The following WWOX variants were observed in gnomAD, a reference collection of about 807,000 sequenced individuals.
WWOX encodes the protein WW domain-containing oxidoreductase.
A neutral mutation model predicts 46.2 loss-of-function variants in WWOX; 69 were observed. That is an observed-to-expected ratio of 1.49 (90% CI 1.23 to 1.82). The LOEUF is 1.82. Among genes scored for constraint, WWOX ranks in the 40% most tolerant of loss-of-function variants. The probability of loss-of-function intolerance (pLI) is 0.00; values close to 1 mark genes in which losing one functional copy is unlikely to be tolerated. For missense variants in WWOX, 919 were observed against 542.6 expected (o/e 1.69, Z -6.89); for synonymous variants, 359 against 202.6 (o/e 1.77, Z -6.56).
At chr16:78,666,860 TC>T (rs1426085157) in intron 8 of WWOX, among the ~76,000 whole-genome samples, 3 of 152,278 alleles carry the variant, frequency 2.0e-5, no homozygotes, top group African/African-American at 7.2e-5. Flanking sequence ...TACGAAGGCT[TC>T]CTAAGGAGGC....
chr16:78,934,073 T>C (rs980703473), intron 8 of WWOX, among the ~76,000 whole-genome samples: 5 of 152,010 alleles, frequency 3.3e-5, no homozygotes, highest in East Asian at 1.9e-4. Context: ...CGGTGGCTCA[T>C]GCTGGTAATC....
intron 8 of WWOX, among the ~76,000 whole-genome samples, chr16:78,936,660 T>A (rs984841595): frequency 6.6e-6 from 1 of 152,086 alleles, no homozygotes; most frequent in Non-Finnish European, 1.5e-5. Context: ...CTTTTTCCTC[T>A]TGGTTTGGAA....
rs182525805 is a variant in WWOX at position 78,379,701 on chromosome 16, A to C, written c.517-7159A>C. ...CTACTTGGGTTCACTATGGCGAGAA[A>C]TGGGATAGGAGAGCGAACTCACTGA... is the stretch of plus-strand genomic sequence containing the variant. On this transcript the variant is annotated intron_variant, in intron 5 of 8. Transcript: ENST00000566780. 9.2e-5 allele frequency among the ~76,000 whole-genome samples: 14 copies of C among 152,294 alleles called. No individual in the cohort carries two copies. In the East Asian group the frequency reaches 2.7e-3, roughly 29 times the overall value.
chr16:78,913,877 T>A (rs368563487), intron 8 of WWOX, among the ~76,000 whole-genome samples: 1 of 151,930 alleles, frequency 6.6e-6, no homozygotes, highest in African/African-American at 2.4e-5. Context: ...TCCAGGCTGG[T>A]CTCAAAGTCC....
At chr16:78,236,464 T>A (rs138101801) in intron 5 of WWOX, among the ~76,000 whole-genome samples, 8 of 152,334 alleles carry the variant, frequency 5.3e-5, no homozygotes, top group Middle Eastern at 3.4e-3. Flanking sequence ...ATTTCATGGT[T>A]TGTCCTTTCC....
chr16:78,559,252 C>T (rs1050086259), intron 8 of WWOX, among the ~76,000 whole-genome samples: 2 of 152,272 alleles, frequency 1.3e-5, no homozygotes, highest in East Asian at 1.9e-4. Context: ...GGGGACCATG[C>T]ATGTATTTTA....
intron 8 of WWOX, among the ~76,000 whole-genome samples, chr16:78,564,668 C>T (rs185660209): frequency 7.2e-5 from 11 of 152,212 alleles, no homozygotes; most frequent in African/African-American, 7.2e-5. Flanking sequence ...TCTGGCCACT[C>T]GGGAGCTCAA....
chr16:79,192,652 G>C (rs187688187), intron 8 of WWOX, among the ~76,000 whole-genome samples: 197 of 152,266 alleles, frequency 1.3e-3, no homozygotes, highest in African/African-American at 4.6e-3. Flanking sequence ...TACAAGTGGA[G>C]CCTTTCCCTC....
At chr16:78,357,685 C>G (rs923598092) in intron 5 of WWOX, among the ~76,000 whole-genome samples, 9 of 152,188 alleles carry the variant, frequency 5.9e-5, no homozygotes, top group Admixed American at 1.3e-4. Flanking sequence ...ATTATCAATA[C>G]TAGCTGTGAT....
At chr16:78,903,507 C>T (rs1461820139) in intron 8 of WWOX, among the ~76,000 whole-genome samples, 1 of 152,192 alleles carries the variant, frequency 6.6e-6, no homozygotes, top group African/African-American at 2.4e-5. Flanking sequence ...CTCAGAGGTA[C>T]TTTCAATTTC....
chr16:78,968,569 T>G (rs1045560316), intron 8 of WWOX, among the ~76,000 whole-genome samples: 30 of 152,338 alleles, frequency 2.0e-4, no homozygotes, highest in Middle Eastern at 3.4e-3. Context: ...ATGTAAACTT[T>G]GACCTCAGAG....
intron 8 of WWOX, among the ~76,000 whole-genome samples, chr16:78,797,819 C>G (rs946483487): frequency 3.9e-5 from 6 of 152,162 alleles, no homozygotes; most frequent in Admixed American, 3.9e-4. Flanking sequence ...AAGTCTCTGT[C>G]TCTACAAAAA....
chr16:78,915,288 C>T (rs1308162458), intron 8 of WWOX, among the ~76,000 whole-genome samples: 1 of 152,210 alleles, frequency 6.6e-6, no homozygotes, highest in African/African-American at 2.4e-5. Context: ...AATCTGGTCA[C>T]CTGTCCTTTA....
chr16:78,514,256 C>T (rs374030533), intron 8 of WWOX, among the ~76,000 whole-genome samples: 1 of 152,176 alleles, frequency 6.6e-6, no homozygotes, highest in African/African-American at 2.4e-5. Context: ...CTTGCTTTGA[C>T]TCCCTCCTTT....
At chr16:78,581,854 T>C (rs1476584682) in intron 8 of WWOX, among the ~76,000 whole-genome samples, 1 of 152,354 alleles carries the variant, frequency 6.6e-6, no homozygotes, top group East Asian at 1.9e-4. Context: ...CATAAAGTTT[T>C]GCTTATCGGG....
chr16:79,197,493 G>C (rs976184420), intron 8 of WWOX, among the ~76,000 whole-genome samples: 1 of 151,708 alleles, frequency 6.6e-6, no homozygotes, highest in African/African-American at 2.4e-5. Flanking sequence ...GCGAGTTCTT[G>C]AACACTTACT....
At chr16:79,160,249 C>T (rs998369170) in intron 8 of WWOX, among the ~76,000 whole-genome samples, 10 of 152,064 alleles carry the variant, frequency 6.6e-5, no homozygotes, top group African/African-American at 2.4e-4. Flanking sequence ...TATAGACATC[C>T]CTGGTCCACA....
At chr16:78,806,076 A>G (rs1391716991) in intron 8 of WWOX, among the ~76,000 whole-genome samples, 1 of 152,200 alleles carries the variant, frequency 6.6e-6, no homozygotes, top group Non-Finnish European at 1.5e-5. Context: ...AAAGCAATAA[A>G]TATATAATCC....
At chr16:78,754,907 G>A (rs943125591) in intron 8 of WWOX, among the ~76,000 whole-genome samples, 3 of 151,984 alleles carry the variant, frequency 2.0e-5, no homozygotes, top group Non-Finnish European at 2.9e-5. Flanking sequence ...TTATCTGCAG[G>A]GGTGGTACTG....
Sources: allele counts gnomAD v4.1 joint callset (sites outside exome capture counted in the v4.1 genomes callset), GRCh38; gene constraint gnomAD v4.1.1; transcripts MANE v1.5; gene names NCBI Gene and HGNC (gene_info 2026-07-23, HGNC 2026-07-21).